The following PAX8 variants were observed in gnomAD, a reference collection of about 807,000 sequenced individuals.
PAX8 encodes paired box protein Pax-8.
A neutral mutation model predicts 52.4 loss-of-function variants in PAX8; 15 were observed. The observed-to-expected ratio is 0.29, with a 90% CI of 0.19 to 0.44. The LOEUF (loss-of-function observed/expected upper bound fraction) is 0.44. Ranked by LOEUF, PAX8 falls within the 20% of genes least tolerant of loss-of-function variation. The probability of loss-of-function intolerance (pLI) is 1.00; values close to 1 mark genes in which losing one functional copy is unlikely to be tolerated. For synonymous variants in PAX8, 284 were observed against 249.7 expected, an observed-to-expected ratio of 1.14 and a Z score of -1.29; for missense variants, 554 against 602.5, an observed-to-expected ratio of 0.92 and a Z score of 0.84.
intron 2 of PAX8, among the ~76,000 whole-genome samples, chr2:113,277,508 C>T (rs1180767601): frequency 6.6e-6 from 1 of 152,218 alleles, no homozygotes; most frequent in Non-Finnish European, 1.5e-5. Context: ...AGCGATGCGC[C>T]CTGGCCCCAT....
intron 11 of PAX8, among the ~76,000 whole-genome samples, chr2:113,218,868 G>A (rs947468750): frequency 1.1e-4 from 16 of 152,180 alleles, no homozygotes; most frequent in South Asian, 2.1e-4. Flanking sequence ...CAACACCCTC[G>A]TTGCAATAGG....
chr2:113,218,409 C>T lies in PAX8; in HGVS notation c.*124G>A. The T allele has an allele frequency of 1.8e-6, 1 of 568,784 alleles. No individual in the cohort carries two copies. Among genetic ancestry groups the T allele is most frequent in the Non-Finnish European group, 3.1e-6 (1 of 325,220 alleles). 35.2% of individuals were successfully genotyped at this position (568,784 alleles called of 1,614,324 possible). A position where few individuals can be genotyped will look rare whatever the true frequency, so the allele number is the denominator to read the frequency against. ...TTAAATTAACCACACAGGGAGTGTGCCGCAATGCTGGACTTGTGGTTATTT... is the reference window on the plus strand; with the variant it reads ...TTAAATTAACCACACAGGGAGTGTGTCGCAATGCTGGACTTGTGGTTATTT... On this transcript the variant is annotated 3_prime_UTR_variant, in exon 12 of 12. Transcript: ENST00000429538.
intron 2 of PAX8, among the ~76,000 whole-genome samples, chr2:113,263,799 C>A (rs970443934): frequency 1.3e-5 from 2 of 152,080 alleles, no homozygotes; most frequent in Admixed American, 1.3e-4. Context: ...TTCTTAAATG[C>A]TGATCATAAA....
chr2:113,233,992 C>G (rs1458105668), intron 9 of PAX8, among the ~76,000 whole-genome samples: 1 of 152,230 alleles, frequency 6.6e-6, no homozygotes, highest in East Asian at 1.9e-4. Context: ...GGTCTCTGCT[C>G]CAGCATTTCA....
intron 9 of PAX8, among the ~76,000 whole-genome samples, chr2:113,229,673 C>CAGAGGG (rs1689775428): frequency 6.6e-6 from 1 of 152,172 alleles, no homozygotes; most frequent in Non-Finnish European, 1.5e-5. Context: ...TATTTAGACG[C>CAGAGGG]AGAGGGAGAA....
In PAX8 at chr2:113,217,173, G is replaced by A. The variant is rs1689055014; in HGVS notation, c.*1360C>T. On this transcript the variant is annotated 3_prime_UTR_variant, in exon 12 of 12. Coordinates refer to ENST00000429538, the MANE Select transcript of PAX8 (RefSeq NM_003466.4). ...CTCAGTGTTGAAGAACTTGGGATGA[G>A]TGAGGTACCCAGCGTTCAACGTGAA... The A allele has an allele frequency of 4.4e-6, 1 of 229,116 alleles. No homozygotes were observed. The highest frequency in any genetic ancestry group is 6.2e-5 in the East Asian group (1 of 16,066). The allele number at this position is 229,116 out of a possible 1,614,324, so 14.2% of individuals were successfully genotyped here.
At chr2:113,271,708 T>C (rs1693469732) in intron 2 of PAX8, 1 of 146,836 alleles carries the variant, frequency 6.8e-6, no homozygotes, top group Non-Finnish European at 1.5e-5. Context: ...GTCGATCATC[T>C]AGTAGCCGAG....
intron 2 of PAX8, chr2:113,276,272 G>A (rs186360888): frequency 6.6e-6 from 1 of 152,346 alleles, no homozygotes; most frequent in Non-Finnish European, 1.5e-5. Context: ...GTTCAGAAAA[G>A]AAACAGGGAG....
rs771900896 is a variant in PAX8 at position 113,241,537 on chromosome 2, G to A, written c.777+14C>T. ...TTGCCCACCCTGTTCACCTCCCAGG[G>A]CCCAGCTTCTCACCTGCTCGCCTTT... On this transcript the variant is annotated intron_variant, in intron 7 of 11. Coordinates refer to ENST00000429538, the MANE Select transcript of PAX8 (RefSeq NM_003466.4). 125 of 1,595,500 alleles carry A rather than the reference G, an allele frequency of 7.8e-5. 1 individual carries two copies. In the Middle Eastern group the frequency reaches 2.5e-3, roughly 32 times the overall value.
At chr2:113,232,744 G>T (rs1689969591) in intron 9 of PAX8, among the ~76,000 whole-genome samples, 1 of 152,058 alleles carries the variant, frequency 6.6e-6, no homozygotes, top group African/African-American at 2.4e-5. Context: ...TAGGGAGTTT[G>T]CCCTGGGCTG....
intron 8 of PAX8, 119 bp from the exon 9 acceptor site, chr2:113,235,701 C>A (rs377234839): frequency 7.9e-6 from 6 of 757,344 alleles, no homozygotes; most frequent in African/African-American, 1.8e-5. Context: ...GGCTCAGCTG[C>A]CCTCAGAGTC....
At chr2:113,261,728 C>T (rs929877272) in intron 2 of PAX8, among the ~76,000 whole-genome samples, 4 of 152,180 alleles carry the variant, frequency 2.6e-5, no homozygotes, top group Non-Finnish European at 4.4e-5. Flanking sequence ...AGCTTAGTGG[C>T]TTCTTGGCTG....
rs1171907539 is a variant in PAX8 at position 113,217,323 on chromosome 2, CG to C, written c.*1209del. ...ATGTTCTTGGGAGAAAGCCCAGCCC[CG>C]GGATGCCTCCTTCCCCAGCCAACCC... On this transcript the variant is annotated 3_prime_UTR_variant, in exon 12 of 12. Coordinates refer to ENST00000429538, the MANE Select transcript of PAX8 (RefSeq NM_003466.4). 8.8e-6 allele frequency: 2 copies of C among 226,126 alleles called. No homozygotes were observed. Among genetic ancestry groups the C allele is most frequent in the African/African-American group, 4.5e-5 (2 of 44,836 alleles). 14.0% of individuals were successfully genotyped at this position (226,126 alleles called of 1,614,324 possible). A position where few individuals can be genotyped will look rare whatever the true frequency, so the allele number is the denominator to read the frequency against.
chr2:113,235,479 T>C lies in PAX8; in HGVS notation c.1002A>G (p.Gln334=), dbSNP rs769496295. ...LSSSAFLDLQ[Q]VGSGVPPFNA... ...TGAAGGGCGGGACCCCGGAGCCGAC[T>C]TGCTGCAGATCCAAAAAGGCGGAGC... The change falls in exon 9 of 12, where the codon CAA becomes CAG. Residue 334 remains glutamine (Q), a synonymous_variant. Coordinates refer to ENST00000429538, the MANE Select transcript of PAX8 (RefSeq NM_003466.4). The C allele has an allele frequency of 6.2e-7, 1 of 1,613,652 alleles. No homozygotes were observed. Among genetic ancestry groups the C allele is most frequent in the South Asian group, 1.1e-5 (1 of 91,018 alleles).
At chr2:113,222,455 C>T (rs767056137) in intron 10 of PAX8, among the ~76,000 whole-genome samples, 72 of 152,304 alleles carry the variant, frequency 4.7e-4, no homozygotes, top group Middle Eastern at 6.8e-3. Flanking sequence ...GGATGGAGCT[C>T]GGTAGGTGGT....
chr2:113,245,517 TCTC>T (rs1398627445), intron 3 of PAX8, among the ~76,000 whole-genome samples: 3 of 152,152 alleles, frequency 2.0e-5, no homozygotes, highest in South Asian at 4.1e-4. Flanking sequence ...AGTTGAAGCT[TCTC>T]CTCATGGACT....
intron 2 of PAX8, chr2:113,250,821 G>T (rs145346154): frequency 6.6e-6 from 1 of 152,222 alleles, no homozygotes; most frequent in Non-Finnish European, 1.5e-5. Flanking sequence ...GGCCTTCAAG[G>T]AACTTCGAAC....
At chr2:113,262,824 C>A (rs1159472526) in intron 2 of PAX8, among the ~76,000 whole-genome samples, 2 of 152,228 alleles carry the variant, frequency 1.3e-5, no homozygotes, top group Admixed American at 6.5e-5. Flanking sequence ...AGAACAGATT[C>A]TCCTCCAGCC....
At chr2:113,271,710 G>A (rs1573548267) in intron 2 of PAX8, 1 of 146,974 alleles carries the variant, frequency 6.8e-6, no homozygotes, top group African/African-American at 2.5e-5. Flanking sequence ...CGATCATCTA[G>A]TAGCCGAGTT....
Sources: allele counts gnomAD v4.1 joint callset (sites outside exome capture counted in the v4.1 genomes callset), GRCh38; gene constraint gnomAD v4.1.1; transcripts MANE v1.5; gene names NCBI Gene and HGNC (gene_info 2026-07-23, HGNC 2026-07-21).